CRACR2A: variants seen among roughly 807,000 people sequenced by gnomAD.
CRACR2A encodes EF-hand calcium-binding domain-containing protein 4B.
CRACR2A carries 79 observed loss-of-function variants against 90.5 expected under a neutral mutation model. That is an observed-to-expected ratio of 0.87 (90% CI 0.73 to 1.05). CRACR2A has a LOEUF of 1.05. Ranked by LOEUF, CRACR2A falls within the 50% of genes least tolerant of loss-of-function variation. The probability of loss-of-function intolerance (pLI) is 0.00; values close to 1 mark genes in which losing one functional copy is unlikely to be tolerated. For missense variants in CRACR2A, 823 were observed against 897.2 expected (o/e 0.92, Z 1.06); for synonymous variants, 338 against 356.7 (o/e 0.95, Z 0.59).
chr12:3,668,989 C>T (rs937221028), intron 7 of CRACR2A, among the ~76,000 whole-genome samples: 128 of 152,350 alleles, frequency 8.4e-4, no homozygotes, highest in African/African-American at 3.1e-3. Flanking sequence ...TGATGCCAAA[C>T]AGGCAGCCAG....
chr12:3,649,556 T>A (rs775020202), intron 10 of CRACR2A, among the ~76,000 whole-genome samples: 1 of 152,228 alleles, frequency 6.6e-6, no homozygotes, highest in Non-Finnish European at 1.5e-5. Flanking sequence ...ATTGAATGTA[T>A]CTATTATAAT....
intron 3 of CRACR2A, among the ~76,000 whole-genome samples, chr12:3,707,631 T>C (rs1055168668): frequency 2.6e-5 from 4 of 152,356 alleles, no homozygotes; most frequent in African/African-American, 9.6e-5. Flanking sequence ...TGGTATATAT[T>C]AAAGAAACTG....
rs150786246 is a variant in CRACR2A at position 3,747,738 on chromosome 12, C to T, written c.-387+5277G>A. ...AAAGGAAGCTGTCTGGCCAGAAACA[C>T]GAGTGCAGGTTCCGGGAGGAGGGCA... On this transcript the variant is annotated intron_variant, in intron 1 of 19. Coordinates refer to ENST00000440314, the MANE Select transcript of CRACR2A (RefSeq NM_001144958.2). Among the ~76,000 whole-genome samples, 737 of 152,332 alleles carry T rather than the reference C, an allele frequency of 4.8e-3. 8 individuals are homozygous for T. The highest frequency in any genetic ancestry group is 0.017 in the African/African-American group (691 of 41,568).
At chr12:3,738,280 G>C (rs2137885925) in intron 1 of CRACR2A, among the ~76,000 whole-genome samples, 1 of 152,186 alleles carries the variant, frequency 6.6e-6, no homozygotes. Context: ...AGCACTGATG[G>C]ACTGACAAGA....
chr12:3,627,393 C>A (rs371638315), intron 17 of CRACR2A, 43 bp downstream of exon 17: 6 of 1,426,520 alleles, frequency 4.2e-6, no homozygotes, highest in African/African-American at 2.9e-5. Context: ...AAAAAAGAAG[C>A]CACAGTCAAG....
intron 4 of CRACR2A, among the ~76,000 whole-genome samples, chr12:3,692,997 C>G (rs1192230744): frequency 6.6e-6 from 1 of 152,096 alleles, no homozygotes; most frequent in Non-Finnish European, 1.5e-5. Context: ...TGGCTCTGTG[C>G]CCCCCAACGC....
rs146828057 is a variant in CRACR2A, at chr12:3,646,990, G to A, written c.1118+1552C>T. Among the ~76,000 whole-genome samples the A allele has an allele frequency of 1.4e-3, 219 of 152,268 alleles. 3 individuals carry two copies. In the East Asian group the frequency reaches 0.03, roughly 21 times the overall value. ...GGGTTGGTTAAGTCAACTGCCCAAG[G>A]TCACACAAGCTAATGAGAGGAAGTG... is the stretch of plus-strand genomic sequence containing the variant. On this transcript the variant is annotated intron_variant, in intron 11 of 19. Coordinates refer to ENST00000440314, the MANE Select transcript of CRACR2A (RefSeq NM_001144958.2).
chr12:3,634,241 G>C (rs559790987), intron 14 of CRACR2A, among the ~76,000 whole-genome samples: 35 of 152,290 alleles, frequency 2.3e-4, no homozygotes, highest in African/African-American at 8.4e-4. Flanking sequence ...TTGGGACAGG[G>C]AGCTCCTTAT....
intron 2 of CRACR2A, chr12:3,731,811 G>A (rs1379673419): frequency 6.6e-6 from 1 of 152,226 alleles, no homozygotes; most frequent in Non-Finnish European, 1.5e-5. Flanking sequence ...CAGGGAGAAT[G>A]CCATGTGATG....
intron 2 of CRACR2A, among the ~76,000 whole-genome samples, chr12:3,716,142 A>C (rs528955137): frequency 9.5e-4 from 143 of 151,068 alleles, no homozygotes; most frequent in African/African-American, 3.3e-3. Context: ...AGCAGATGTT[A>C]TTGTTCTTTG....
In CRACR2A at chr12:3,652,966, G is replaced by T. The variant is rs147118987; in HGVS notation, c.1046+1246C>A. On this transcript the variant is annotated intron_variant, in intron 10 of 19. Coordinates refer to ENST00000440314, the MANE Select transcript of CRACR2A (RefSeq NM_001144958.2). ...CTCAGTTTCCTCCTCGATAATAGCA[G>T]AACCTGCTATACCAGGATAATTTTT... 2.9e-4 allele frequency among the ~76,000 whole-genome samples: 44 copies of T among 152,244 alleles called. No homozygotes were observed. In the East Asian group the frequency reaches 7.9e-3, roughly 27 times the overall value.
intron 1 of CRACR2A, among the ~76,000 whole-genome samples, chr12:3,736,474 G>T (rs1946451699): frequency 6.6e-6 from 1 of 152,084 alleles, no homozygotes; most frequent in Admixed American, 6.5e-5. Flanking sequence ...TTGGAGTGGA[G>T]GCATTTAGGA....
intron 1 of CRACR2A, among the ~76,000 whole-genome samples, chr12:3,745,925 G>A (rs1348489025): frequency 6.6e-6 from 1 of 152,174 alleles, no homozygotes; most frequent in East Asian, 1.9e-4. Flanking sequence ...GGCAGGAGGT[G>A]TCTCTCTGGC....
At chr12:3,620,592 GAGA>G (rs1195202864) in intron 17 of CRACR2A, among the ~76,000 whole-genome samples, 1 of 152,218 alleles carries the variant, frequency 6.6e-6, no homozygotes, top group Admixed American at 6.5e-5. Context: ...TTAAGGCTCA[GAGA>G]ATCAAAAAGA....
intron 4 of CRACR2A, among the ~76,000 whole-genome samples, chr12:3,688,718 G>A (rs1056267080): frequency 2.0e-5 from 3 of 152,168 alleles, no homozygotes; most frequent in Non-Finnish European, 2.9e-5. Context: ...TTCTAGTTCT[G>A]TGAATAATGT....
At chr12:3,745,199 A>G (rs1231428901) in intron 1 of CRACR2A, among the ~76,000 whole-genome samples, 1 of 152,154 alleles carries the variant, frequency 6.6e-6, no homozygotes, top group Non-Finnish European at 1.5e-5. Flanking sequence ...CCAAACTCCC[A>G]GAAGACCCGA....
rs144416283 is a variant in CRACR2A, at chr12:3,698,762, T to G, written c.-36-1727A>C. ...ATGGAAGCCTGAGGGGGCAGGGCTG[T>G]GTCTCCATGGCTTTTATGTGCATTG... On this transcript the variant is annotated intron_variant, in intron 3 of 19. Coordinates refer to ENST00000440314, the MANE Select transcript of CRACR2A (RefSeq NM_001144958.2). 2.1e-4 allele frequency among the ~76,000 whole-genome samples: 32 copies of G among 152,310 alleles called. 1 individual carries two copies. The East Asian group carries it at 6.0e-3, about 28-fold the overall frequency.
rs1380089943 is a variant in CRACR2A at position 3,746,916 on chromosome 12, C to T, written c.-387+6099G>A. Among the ~76,000 whole-genome samples the T allele has an allele frequency of 6.6e-6, 1 of 152,254 alleles. No homozygotes were observed. Among genetic ancestry groups the T allele is most frequent in the Non-Finnish European group, 1.5e-5 (1 of 68,044 alleles). ...AAGCTCTCAAAACAGGTAATGTCACCATGACCCATGGGATCACATGTGCGT... is the reference window on the plus strand; with the variant it reads ...AAGCTCTCAAAACAGGTAATGTCACTATGACCCATGGGATCACATGTGCGT... On this transcript the variant is annotated intron_variant, in intron 1 of 19. Transcript: ENST00000440314. The surrounding 1 kb of genome is among the most constrained non-coding windows in gnomAD (Gnocchi z 4.4).
chr12:3,679,363 T>C (rs11062760), intron 5 of CRACR2A, among the ~76,000 whole-genome samples: 34,298 of 152,156 alleles, frequency 0.23, 3,916 homozygotes, highest in East Asian at 0.32. Context: ...TTTGTGGTTC[T>C]CAGTCCCTTA....
Sources: allele counts gnomAD v4.1 joint callset (sites outside exome capture counted in the v4.1 genomes callset), GRCh38; gene constraint gnomAD v4.1.1; non-coding constraint Gnocchi (gnomAD v3.1); transcripts MANE v1.5; gene names NCBI Gene and HGNC (gene_info 2026-07-23, HGNC 2026-07-21).